The following C11orf65 variants were observed in gnomAD, a reference collection of about 807,000 sequenced individuals.
C11orf65 encodes protein MFI.
A neutral mutation model predicts 35.3 loss-of-function variants in C11orf65; 38 were observed. The ratio of observed to expected loss-of-function variants is 1.08; its 90% CI spans 0.83 to 1.41. C11orf65 has a LOEUF of 1.41. Among genes scored for constraint, C11orf65 ranks in the 40% most tolerant of loss-of-function variants. The pLI, the probability that C11orf65 is intolerant of heterozygous loss-of-function variation, is 0.00. For missense variants in C11orf65, 370 were observed against 367.1 expected (o/e 1.01, Z -0.06); for synonymous variants, 105 against 114.4 (o/e 0.92, Z 0.53).
At chr11:108,432,263 C>A (rs1240730626) in intron 2 of C11orf65, among the ~76,000 whole-genome samples, 2 of 152,158 alleles carry the variant, frequency 1.3e-5, no homozygotes, top group Non-Finnish European at 2.9e-5. Context: ...TCAGTTTCTT[C>A]AACTATAAAG....
intron 2 of C11orf65, chr11:108,368,417 G>A (rs1209557222): frequency 9.4e-6 from 2 of 212,156 alleles, no homozygotes; most frequent in Admixed American, 1.2e-4. Context: ...GTTGTTGTAT[G>A]CTAAGTCACT....
intron 6 of C11orf65, among the ~76,000 whole-genome samples, chr11:108,395,318 C>T (rs914621134): frequency 6.6e-6 from 1 of 151,684 alleles, no homozygotes; most frequent in Non-Finnish European, 1.5e-5. Flanking sequence ...TAGGGACAAC[C>T]TGTCTCTACA....
At chr11:108,442,902 A>C (rs7120845) in intron 2 of C11orf65, among the ~76,000 whole-genome samples, 96,056 of 152,012 alleles carry the variant, frequency 0.63, 30,755 homozygotes, top group Middle Eastern at 0.76. Context: ...AGGAAGAAAC[A>C]ACATCAACTA....
chr11:108,377,373 C>T (rs1424092664), intron 2 of C11orf65, among the ~76,000 whole-genome samples: 2 of 152,104 alleles, frequency 1.3e-5, no homozygotes, highest in African/African-American at 4.8e-5. Flanking sequence ...GAACCAAAGA[C>T]AAAAAACACA....
At position 108,410,504 on chromosome 11, in the gene C11orf65, C is replaced by G. The variant is rs928950609; in HGVS notation, c.175-3355G>C. Among the ~76,000 whole-genome samples the G allele has an allele frequency of 2.0e-5, 3 of 152,196 alleles. No individual in the cohort carries two copies. The East Asian group carries it at 5.8e-4, about 29-fold the overall frequency. ...AAGTAGCTGGGACTAAAGGCACGCACCATCGTGACAGGCTAATTTTTTTAA... is the reference window on the plus strand; with the variant it reads ...AAGTAGCTGGGACTAAAGGCACGCAGCATCGTGACAGGCTAATTTTTTTAA... On this transcript the variant is annotated intron_variant, in intron 3 of 8. Transcript: ENST00000393084.
At position 108,385,331 on chromosome 11, in the gene C11orf65, C is replaced by T. The variant is rs190154405; in HGVS notation, c.787+589G>A. ...AGGTGATCCATCTGCCTCAGCCTCCCAAAGTGCTGGGATTACAGGTGTGTG... is the reference window on the plus strand; with the variant it reads ...AGGTGATCCATCTGCCTCAGCCTCCTAAAGTGCTGGGATTACAGGTGTGTG... On this transcript the variant is annotated intron_variant, in intron 8 of 8. Transcript: ENST00000393084. 5.0e-4 allele frequency among the ~76,000 whole-genome samples: 76 copies of T among 152,214 alleles called. No homozygotes were observed. In the East Asian group the frequency reaches 0.013, roughly 25 times the overall value.
chr11:108,412,708 A>G (rs1203607770), intron 3 of C11orf65, among the ~76,000 whole-genome samples: 1 of 152,058 alleles, frequency 6.6e-6, no homozygotes, highest in Non-Finnish European at 1.5e-5. Context: ...CTGCACTCCA[A>G]TCTGGACAAC....
At position 108,449,534 on chromosome 11, in the gene C11orf65, GA is replaced by G. The variant is rs527984294; in HGVS notation, c.81+11944del. Reference sequence around the variant, plus strand: ...AAACCTGAGAAAAACAAGCAATGGGGAAAGGATTCCCTATTTAATAAATGGT... The same window carrying G: ...AAACCTGAGAAAAACAAGCAATGGGGAAGGATTCCCTATTTAATAAATGGT... On this transcript the variant is annotated intron_variant, in intron 2 of 8. Transcript: ENST00000393084. Among the ~76,000 whole-genome samples, 255 of 152,120 alleles carry G rather than the reference GA, an allele frequency of 1.7e-3. 1 individual carries two copies. Among genetic ancestry groups the G allele is most frequent in the Non-Finnish European group, 2.5e-3 (169 of 68,018 alleles).
chr11:108,348,909 T>C (rs1268523690), intron 2 of C11orf65, among the ~76,000 whole-genome samples: 1 of 152,222 alleles, frequency 6.6e-6, no homozygotes, highest in African/African-American at 2.4e-5. Context: ...GAAGCTGGTT[T>C]GGTTACTAAC....
chr11:108,327,616 T>C (rs369191171), downstream of C11orf65: 19 of 1,557,462 alleles, frequency 1.2e-5, no homozygotes, highest in Admixed American at 1.7e-5. Flanking sequence ...TAATGCATTA[T>C]ATTTTAAGAT....
chr11:108,335,414 C>G (rs2086731116), intron 2 of C11orf65: 2 of 664,370 alleles, frequency 3.0e-6, no homozygotes, highest in Non-Finnish European at 4.6e-6. Flanking sequence ...CTCTTATTTC[C>G]TTGAATAGTG....
intron 2 of C11orf65, among the ~76,000 whole-genome samples, chr11:108,349,025 C>G (rs2088843219): frequency 6.6e-6 from 1 of 152,076 alleles, no homozygotes; most frequent in Non-Finnish European, 1.5e-5. Flanking sequence ...GTTGAAGTCA[C>G]TGGGCTGGAG....
Position 108,313,787 on chromosome 11 carries a change from G to A in C11orf65, c.641-4716C>T, listed in dbSNP as rs4988078. ...ATTATGCCAATATAAATGAATTTGTGTGTAGAAAATATTTCACAGAGCAAG... is the reference window on the plus strand; with the variant it reads ...ATTATGCCAATATAAATGAATTTGTATGTAGAAAATATTTCACAGAGCAAG... On this transcript the variant is annotated intron_variant, in intron 6 of 6. Coordinates refer to the C11orf65 transcript ENST00000525729. Among the ~76,000 whole-genome samples, 96 of 152,284 alleles carry A rather than the reference G, an allele frequency of 6.3e-4. 1 individual carries two copies. In the East Asian group the frequency reaches 0.018, roughly 28 times the overall value.
chr11:108,450,069 A>C (rs1008943756), intron 2 of C11orf65, among the ~76,000 whole-genome samples: 2 of 152,082 alleles, frequency 1.3e-5, no homozygotes, highest in Admixed American at 6.5e-5. Context: ...AATGCAAATC[A>C]AAACCACAAT....
chr11:108,430,391 G>A (rs971583018), intron 3 of C11orf65, among the ~76,000 whole-genome samples: 9 of 149,718 alleles, frequency 6.0e-5, no homozygotes, highest in East Asian at 2.0e-4. Flanking sequence ...CGCCCGCCTC[G>A]GCCTCCCAAA....
intron 2 of C11orf65, among the ~76,000 whole-genome samples, chr11:108,440,310 T>C (rs1349147891): frequency 6.6e-6 from 1 of 152,208 alleles, no homozygotes; most frequent in Non-Finnish European, 1.5e-5. Flanking sequence ...CATTTTATTA[T>C]GCTCATAATT....
At chr11:108,356,497 T>C (rs571436025) in intron 2 of C11orf65, among the ~76,000 whole-genome samples, 160 of 149,278 alleles carry the variant, frequency 1.1e-3, no homozygotes, top group Non-Finnish European at 1.8e-3. Flanking sequence ...AATTGCACCA[T>C]TGCCCTCCAG....
chr11:108,450,857 A>G (rs1459912242), intron 2 of C11orf65, among the ~76,000 whole-genome samples: 1 of 151,994 alleles, frequency 6.6e-6, no homozygotes, highest in African/African-American at 2.4e-5. Context: ...TTCAACGTAC[A>G]CAAATCAATA....
Position 108,383,072 on chromosome 11 carries a change from A to G in C11orf65, c.891T>C (p.Tyr297=). Reference sequence around the variant, plus strand: ...TTAATCTAGTTACATTTGGTTCTTGATAAACATTTTCATAGTAAGTATCAT... The same window carrying G: ...TTAATCTAGTTACATTTGGTTCTTGGTAAACATTTTCATAGTAAGTATCAT... ...IPDDTYYENV[Y]QEPNVTRLTP... is the part of the protein sequence containing the mutation. The change falls in exon 9 of 9, where the codon TAT becomes TAC. Residue 297 remains tyrosine (Y), a synonymous_variant. Coordinates refer to ENST00000393084, the MANE Select transcript of C11orf65 (RefSeq NM_152587.5). 6.2e-7 allele frequency: 1 copy of G among 1,612,206 alleles called. No individual in the cohort carries two copies. The highest frequency in any genetic ancestry group is 8.5e-7 in the Non-Finnish European group (1 of 1,179,240).
Sources: gnomAD v4.1 joint callset for allele counts (sites outside exome capture counted in the v4.1 genomes callset) on GRCh38, gnomAD v4.1.1 for gene constraint, MANE v1.5 for transcripts, NCBI Gene and HGNC (gene_info 2026-07-23, HGNC 2026-07-21) for gene names.